BMPR1B: variants seen among roughly 807,000 people sequenced by gnomAD.
BMPR1B encodes bone morphogenetic protein receptor type 1B.
Under a neutral mutation model 59.1 loss-of-function variants are expected in BMPR1B, and 12 were observed. The observed-to-expected ratio is 0.20, with a 90% CI of 0.13 to 0.33. BMPR1B has a LOEUF of 0.33. Among genes scored for constraint, BMPR1B ranks in the 10% least tolerant of loss-of-function variants. The probability of loss-of-function intolerance (pLI) is 1.00; values close to 1 mark genes in which losing one functional copy is unlikely to be tolerated. For synonymous variants in BMPR1B, 237 were observed against 207.3 expected, an observed-to-expected ratio of 1.14 and a Z score of -1.23; for missense variants, 550 against 610.9, an observed-to-expected ratio of 0.90 and a Z score of 1.05.
chr4:95,143,581 C>G (rs2149319255), intron 10 of BMPR1B, among the ~76,000 whole-genome samples: 1 of 152,270 alleles, frequency 6.6e-6, no homozygotes, highest in South Asian at 2.1e-4. Context: ...ACTTATGAAG[C>G]CCTTTGATTA....
chr4:95,117,594 G>T (rs748550086), intron 6 of BMPR1B, among the ~76,000 whole-genome samples: 4 of 151,876 alleles, frequency 2.6e-5, no homozygotes, highest in Non-Finnish European at 5.9e-5. Context: ...ACCAGCCTGG[G>T]CAACATAGCA....
intron 1 of BMPR1B, among the ~76,000 whole-genome samples, chr4:94,798,108 A>C (rs184149437): frequency 5.9e-5 from 9 of 152,332 alleles, no homozygotes; most frequent in African/African-American, 2.2e-4. Flanking sequence ...TTTATAGATG[A>C]AGTTGTGACT....
intron 2 of BMPR1B, among the ~76,000 whole-genome samples, chr4:94,954,137 C>T (rs998870641): frequency 1.3e-5 from 2 of 152,122 alleles, no homozygotes; most frequent in African/African-American, 4.8e-5. Flanking sequence ...CTTCTCTAAA[C>T]TGGTTAGAGA....
rs746066664 is a variant in BMPR1B, at chr4:95,116,414, A to AGCGC, written c.349+632_349+635dup. 1.9e-3 allele frequency among the ~76,000 whole-genome samples: 140 copies of AGCGC among 74,208 alleles called. 1 individual carries two copies. Among genetic ancestry groups the AGCGC allele is most frequent in the African/African-American group, 5.2e-3 (123 of 23,450 alleles). 48.7% of individuals were successfully genotyped at this position (74,208 alleles called of 152,430 possible). A position where few individuals can be genotyped will look rare whatever the true frequency, so the allele number is the denominator to read the frequency against. On this transcript the variant is annotated intron_variant, in intron 6 of 12. Transcript: ENST00000515059. ...TCCCTTTCTCCTCCTCCATGCTTTC[A>AGCGC]GCGCGCGCACACACACACACACACA...
At chr4:94,762,572 A>G (rs938339100) in intron 1 of BMPR1B, among the ~76,000 whole-genome samples, 2 of 152,208 alleles carry the variant, frequency 1.3e-5, no homozygotes, top group Non-Finnish European at 1.5e-5. Flanking sequence ...AGTGATAGGA[A>G]TGAGGTCAGA....
intron 2 of BMPR1B, among the ~76,000 whole-genome samples, chr4:94,971,601 C>T (rs1324575624): frequency 2.0e-5 from 3 of 151,878 alleles, no homozygotes; most frequent in Admixed American, 1.3e-4. Context: ...TTTCCTCTTA[C>T]TGCTTATTTA....
chr4:94,866,950 AT>A (rs1459908243), intron 1 of BMPR1B, among the ~76,000 whole-genome samples: 2 of 152,134 alleles, frequency 1.3e-5, no homozygotes, highest in Non-Finnish European at 2.9e-5. Context: ...ATGACCAGTG[AT>A]TTGTCAGATC....
At chr4:95,069,340 C>A (rs536102406) in intron 3 of BMPR1B, among the ~76,000 whole-genome samples, 1 of 152,294 alleles carries the variant, frequency 6.6e-6, no homozygotes, top group East Asian at 1.9e-4. Context: ...ATCTGTTCCC[C>A]ATTTCTTGTC....
At chr4:94,929,926 TCTC>T (rs1461556912) in intron 2 of BMPR1B, among the ~76,000 whole-genome samples, 3 of 152,078 alleles carry the variant, frequency 2.0e-5, no homozygotes, top group African/African-American at 7.2e-5. Context: ...GCATCTCTGT[TCTC>T]CTTGTGGCCA....
intron 3 of BMPR1B, among the ~76,000 whole-genome samples, chr4:95,092,045 T>C (rs769341963): frequency 1.3e-5 from 2 of 152,122 alleles, no homozygotes; most frequent in Non-Finnish European, 2.9e-5. Flanking sequence ...TTACTATTAA[T>C]GTATCAACTA....
intron 3 of BMPR1B, among the ~76,000 whole-genome samples, chr4:95,080,559 C>G (rs887986215): frequency 2.0e-5 from 3 of 152,224 alleles, no homozygotes; most frequent in Admixed American, 6.5e-5. Context: ...AATTTTATAT[C>G]TCTAATGCTA....
At chr4:94,857,737 G>C (rs1332134914) in intron 1 of BMPR1B, among the ~76,000 whole-genome samples, 1 of 152,092 alleles carries the variant, frequency 6.6e-6, no homozygotes, top group Non-Finnish European at 1.5e-5. Context: ...TAGGCTCTGA[G>C]ATGTCCTCAA....
rs557561040 is a variant in BMPR1B, at chr4:94,826,958, C to G, written c.-182-48873C>G. Among the ~76,000 whole-genome samples the G allele has an allele frequency of 6.6e-5, 10 of 152,192 alleles. No individual in the cohort carries two copies. The East Asian group carries it at 1.9e-3, about 29-fold the overall frequency. On this transcript the variant is annotated intron_variant, in intron 1 of 12. Transcript: ENST00000515059. ...TTTGAGTAAAACTTGCAGCATAATA[C>G]TACTTTCAAATGATATAATTACAAA... is the stretch of plus-strand genomic sequence containing the variant.
At chr4:94,863,115 C>CA (rs560180706) in intron 1 of BMPR1B, among the ~76,000 whole-genome samples, 13 of 151,292 alleles carry the variant, frequency 8.6e-5, no homozygotes, top group African/African-American at 2.4e-4. Context: ...AGACTCGTCT[C>CA]AAAAAAAAGG....
At chr4:95,076,746 A>G (rs1227594838) in intron 3 of BMPR1B, among the ~76,000 whole-genome samples, 1 of 152,130 alleles carries the variant, frequency 6.6e-6, no homozygotes, top group Non-Finnish European at 1.5e-5. Context: ...ACTAAGGTAG[A>G]GTAAAATATA....
intron 6 of BMPR1B, among the ~76,000 whole-genome samples, chr4:95,120,815 T>C (rs1732466295): frequency 7.1e-6 from 1 of 141,698 alleles, no homozygotes; most frequent in Non-Finnish European, 1.5e-5. Flanking sequence ...CTCCCTTCCT[T>C]ACTTCCTTTT....
chr4:94,957,514 T>G (rs981583518), intron 2 of BMPR1B, among the ~76,000 whole-genome samples: 2 of 152,012 alleles, frequency 1.3e-5, no homozygotes, highest in Non-Finnish European at 2.9e-5. Flanking sequence ...TTTTTCTTTT[T>G]CTTTTCTTTC....
At chr4:95,133,738 A>ATTT (rs113650137) in intron 10 of BMPR1B, among the ~76,000 whole-genome samples, 1 of 144,194 alleles carries the variant, frequency 6.9e-6, no homozygotes. Context: ...TGCCTGGCTA[A>ATTT]TTTTTTTTTT....
In BMPR1B at chr4:95,070,944, G is replaced by A. The variant is rs145991279; in HGVS notation, c.-17-33464G>A. ...TTTGCTTTCATAGCCATTTCCTTTT[G>A]TTGAAAACATGTTGAAGTACTTTTT... On this transcript the variant is annotated intron_variant, in intron 3 of 12. Transcript: ENST00000515059. Among the ~76,000 whole-genome samples the A allele has an allele frequency of 3.0e-3, 451 of 152,110 alleles. 5 individuals carry two copies. Among genetic ancestry groups the A allele is most frequent in the African/African-American group, 0.01 (429 of 41,502 alleles).
Sources: allele counts gnomAD v4.1 joint callset (sites outside exome capture counted in the v4.1 genomes callset), GRCh38; gene constraint gnomAD v4.1.1; transcripts MANE v1.5; gene names NCBI Gene and HGNC (gene_info 2026-07-23, HGNC 2026-07-21).